The following AOAH variants were observed in gnomAD, a reference collection of about 807,000 sequenced individuals.
AOAH encodes acyloxyacyl hydrolase (neutrophil).
Under a neutral mutation model 92.2 loss-of-function variants are expected in AOAH, and 64 were observed. The observed-to-expected ratio is 0.69, with a 90% CI of 0.57 to 0.86. The LOEUF is 0.86. AOAH is among the 40% of genes least tolerant of loss of function. AOAH has a pLI of 0.00. For synonymous variants in AOAH, 263 were observed against 254.5 expected (o/e 1.03, Z -0.32); for missense variants, 656 against 694.6 (o/e 0.94, Z 0.62).
chr7:36,539,345 A>G (rs1420759831), intron 16 of AOAH, among the ~76,000 whole-genome samples: 2 of 152,152 alleles, frequency 1.3e-5, no homozygotes. Flanking sequence ...GGTGCTGTCA[A>G]TATGGGGCTG....
chr7:36,608,889 T>C (rs1791192035), intron 11 of AOAH, among the ~76,000 whole-genome samples: 2 of 99,736 alleles, frequency 2.0e-5, no homozygotes. Flanking sequence ...ACTATTAATA[T>C]TAGGAGCTGT....
At chr7:36,572,220 C>T (rs1364737703) in intron 13 of AOAH, among the ~76,000 whole-genome samples, 1 of 151,954 alleles carries the variant, frequency 6.6e-6, no homozygotes, top group Non-Finnish European at 1.5e-5. Flanking sequence ...ATGATTGGGC[C>T]AGGCACAGTG....
intron 13 of AOAH, among the ~76,000 whole-genome samples, chr7:36,562,519 C>T (rs1414709467): frequency 6.6e-6 from 1 of 152,122 alleles, no homozygotes; most frequent in East Asian, 1.9e-4. Flanking sequence ...ATGGAGAGCC[C>T]ACCTGTCTCC....
At position 36,558,945 on chromosome 7, in the gene AOAH, C is replaced by T. The variant is rs187957583; in HGVS notation, c.1022-9470G>A. Among the ~76,000 whole-genome samples the T allele has an allele frequency of 2.8e-3, 426 of 152,378 alleles. 1 individual carries two copies. Among genetic ancestry groups the T allele is most frequent in the African/African-American group, 8.5e-3 (355 of 41,594 alleles). ...GCACTTCCCGAGTGAGGCAATGCCT[C>T]GCCCTGTTTTGGCTCGCACATGGTG... On this transcript the variant is annotated intron_variant, in intron 13 of 20. Transcript: ENST00000617537.
intron 4 of AOAH, among the ~76,000 whole-genome samples, chr7:36,653,382 C>CCTGAGGTCAG (rs1253839606): frequency 6.6e-6 from 1 of 152,068 alleles, no homozygotes; most frequent in Non-Finnish European, 1.5e-5. Flanking sequence ...AAAGTGAATT[C>CCTGAGGTCAG]CTGAGGTCAG....
intron 6 of AOAH, among the ~76,000 whole-genome samples, chr7:36,624,111 C>G (rs1040307041): frequency 1.3e-5 from 2 of 152,192 alleles, no homozygotes; most frequent in African/African-American, 2.4e-5. Context: ...TGTAATAGGG[C>G]CTTTGAGCCC....
chr7:36,654,910 TC>T (rs1188511328), intron 4 of AOAH, among the ~76,000 whole-genome samples: 2 of 152,210 alleles, frequency 1.3e-5, no homozygotes, highest in Admixed American at 1.3e-4. Context: ...CCTTAACTTC[TC>T]CAAGTCTCAA....
intron 14 of AOAH, 69 bp from the exon 15 acceptor site, chr7:36,548,755 GCTGGGCC>G: frequency 1.4e-6 from 2 of 1,435,354 alleles, no homozygotes; most frequent in Non-Finnish European, 2.0e-6. Flanking sequence ...AGTGACACAG[GCTGGGCC>G]TTTGAAAACA....
At chr7:36,585,425 T>C (rs1056979889) in intron 12 of AOAH, among the ~76,000 whole-genome samples, 2 of 152,116 alleles carry the variant, frequency 1.3e-5, no homozygotes, top group African/African-American at 4.8e-5. Flanking sequence ...GAATATAAAT[T>C]GGTATAGCCC....
chr7:36,701,726 A>C (rs1327344486), intron 1 of AOAH, among the ~76,000 whole-genome samples: 2 of 151,868 alleles, frequency 1.3e-5, no homozygotes, highest in Non-Finnish European at 2.9e-5. Context: ...GTATACTTAG[A>C]TGTTGCCTTT....
chr7:36,714,374 T>A (rs185296803), intron 1 of AOAH, among the ~76,000 whole-genome samples: 17 of 152,324 alleles, frequency 1.1e-4, no homozygotes, highest in Admixed American at 8.5e-4. Context: ...CCAGATGGAT[T>A]CACAGCCGAA....
intron 15 of AOAH, among the ~76,000 whole-genome samples, chr7:36,547,730 G>A (rs750377353): frequency 4.6e-5 from 7 of 152,108 alleles, no homozygotes; most frequent in African/African-American, 1.7e-4. Context: ...ATTCTTAGGG[G>A]TGTACACAGA....
chr7:36,689,264 T>G (rs1797241303), intron 1 of AOAH, among the ~76,000 whole-genome samples: 2 of 152,244 alleles, frequency 1.3e-5, no homozygotes, highest in African/African-American at 4.8e-5. Context: ...GATGTGCTGC[T>G]GCTCACAATC....
At chr7:36,679,680 A>G (rs977608380) in intron 2 of AOAH, among the ~76,000 whole-genome samples, 2 of 150,320 alleles carry the variant, frequency 1.3e-5, no homozygotes, top group Non-Finnish European at 3.0e-5. Flanking sequence ...TTTTTTTGAG[A>G]CGGAGTCTTG....
At chr7:36,706,962 G>A (rs1160764514) in intron 1 of AOAH, among the ~76,000 whole-genome samples, 1 of 151,984 alleles carries the variant, frequency 6.6e-6, no homozygotes, top group Non-Finnish European at 1.5e-5. Context: ...CCACATCAAT[G>A]ATAAGGCTGT....
chr7:36,628,882 T>C (rs547722172), intron 6 of AOAH, among the ~76,000 whole-genome samples: 5 of 152,284 alleles, frequency 3.3e-5, no homozygotes, highest in East Asian at 3.9e-4. Flanking sequence ...CTCTAAAGCG[T>C]AGGGCTAAGA....
intron 3 of AOAH, among the ~76,000 whole-genome samples, chr7:36,671,104 G>A (rs1004567283): frequency 1.3e-5 from 2 of 151,978 alleles, no homozygotes; most frequent in African/African-American, 4.8e-5. Flanking sequence ...GCTCCTACTA[G>A]GTGTATAAAT....
intron 5 of AOAH, among the ~76,000 whole-genome samples, chr7:36,634,557 C>T (rs1336943197): frequency 2.6e-5 from 4 of 152,122 alleles, no homozygotes; most frequent in Admixed American, 6.5e-5. Context: ...GGAGTCTTGC[C>T]GATGCCCCTG....
intron 13 of AOAH, 112 bp from the exon 14 acceptor site, chr7:36,549,587 A>C (rs1786045305): frequency 1.4e-6 from 1 of 724,690 alleles, no homozygotes; most frequent in Admixed American, 2.4e-5. Flanking sequence ...GTTCGGGCAA[A>C]GGTTGTTCTG....
Sources: allele counts gnomAD v4.1 joint callset (sites outside exome capture counted in the v4.1 genomes callset), GRCh38; gene constraint gnomAD v4.1.1; transcripts MANE v1.5; gene names NCBI Gene and HGNC (gene_info 2026-07-23, HGNC 2026-07-21).